NLGN1: variants seen among roughly 807,000 people sequenced by gnomAD.
NLGN1 encodes the protein neuroligin 1.
Under a neutral mutation model 65.5 loss-of-function variants are expected in NLGN1, and 12 were observed. The ratio of observed to expected loss-of-function variants is 0.18; its 90% CI spans 0.12 to 0.30. The LOEUF (loss-of-function observed/expected upper bound fraction) is 0.30, where lower values mean the gene tolerates loss of function less well. NLGN1 is among the 10% of genes least tolerant of loss of function. The pLI, the probability that NLGN1 is intolerant of heterozygous loss-of-function variation, is 1.00. For synonymous variants in NLGN1, 350 were observed against 359.5 expected, an observed-to-expected ratio of 0.97 and a Z score of 0.30; for missense variants, 750 against 1,007.1, an observed-to-expected ratio of 0.74 and a Z score of 3.46.
chr3:173,495,599 A>G (rs1247916343), intron 2 of NLGN1, among the ~76,000 whole-genome samples: 1 of 149,960 alleles, frequency 6.7e-6, no homozygotes, highest in South Asian at 2.1e-4. Flanking sequence ...ATTAAGTTAG[A>G]TATTAGCTGT....
chr3:174,182,642 C>T (rs184548438), intron 4 of NLGN1, among the ~76,000 whole-genome samples: 94 of 152,254 alleles, frequency 6.2e-4, no homozygotes, highest in African/African-American at 2.1e-3. Flanking sequence ...TATTAAAATC[C>T]ATTAAATACC....
intron 2 of NLGN1, among the ~76,000 whole-genome samples, chr3:173,522,257 C>T (rs182583771): frequency 6.6e-6 from 1 of 152,298 alleles, no homozygotes; most frequent in East Asian, 1.9e-4. Context: ...CCTCTGGCCC[C>T]GTTCATGTCA....
intron 2 of NLGN1, among the ~76,000 whole-genome samples, chr3:173,540,341 C>A (rs975011569): frequency 1.3e-5 from 2 of 152,148 alleles, no homozygotes; most frequent in Non-Finnish European, 2.9e-5. Flanking sequence ...CTGGGCCCCA[C>A]TCAAAACTAG....
chr3:173,881,389 G>A (rs184072993), intron 4 of NLGN1, among the ~76,000 whole-genome samples: 241 of 141,074 alleles, frequency 1.7e-3, no homozygotes, highest in African/African-American at 6.0e-3. Context: ...GAGCCACTGC[G>A]CCCAGCCAGG....
In NLGN1 at chr3:174,227,048, G is replaced by C. The variant is rs548749689; in HGVS notation, c.647-48267G>C. Among the ~76,000 whole-genome samples the C allele has an allele frequency of 3.9e-5, 6 of 152,226 alleles. No homozygotes were observed. The East Asian group carries it at 9.6e-4, about 24-fold the overall frequency. ...ATAATTTTAGGCCTGGTCTAGTAAG[G>C]TTTATGTAATAGGTGAGTTTTTAAG... is the stretch of plus-strand genomic sequence containing the variant. On this transcript the variant is annotated intron_variant, in intron 4 of 6. Coordinates refer to ENST00000457714, the Ensembl canonical transcript of NLGN1.
chr3:174,059,865 G>T (rs2152516427), intron 4 of NLGN1, among the ~76,000 whole-genome samples: 1 of 152,166 alleles, frequency 6.6e-6, no homozygotes, highest in East Asian at 1.9e-4. Context: ...GGCTGCATTT[G>T]GCAGCATAAC....
In NLGN1 at chr3:173,637,109, G is replaced by A. The variant is rs564446729; in HGVS notation, c.493+32018G>A. Among the ~76,000 whole-genome samples the A allele has an allele frequency of 6.6e-5, 10 of 152,192 alleles. 1 individual carries two copies. The highest frequency in any genetic ancestry group is 5.9e-4 in the Admixed American group (9 of 15,282). On this transcript the variant is annotated intron_variant, in intron 3 of 6. Transcript: ENST00000457714. The stretch of plus-strand genomic sequence containing the variant: ...TACTTTGCCTGAACAGCAAACACTC[G>A]GTGATGTGGAACATTCTTTATTCCC...
At chr3:173,939,598 A>T (rs1443993425) in intron 4 of NLGN1, among the ~76,000 whole-genome samples, 2 of 152,236 alleles carry the variant, frequency 1.3e-5, no homozygotes, top group East Asian at 3.8e-4. Flanking sequence ...CAAAACAGAC[A>T]TAAGGGTTTC....
chr3:173,639,930 C>T (rs1407054283), intron 3 of NLGN1, among the ~76,000 whole-genome samples: 2 of 152,014 alleles, frequency 1.3e-5, no homozygotes, highest in Non-Finnish European at 2.9e-5. Flanking sequence ...CTCCTTCCCT[C>T]TCTTTCTGTC....
intron 2 of NLGN1, among the ~76,000 whole-genome samples, chr3:173,537,966 G>A (rs775440500): frequency 6.6e-6 from 1 of 152,156 alleles, no homozygotes; most frequent in East Asian, 1.9e-4. Flanking sequence ...CAAAGTGGCT[G>A]TGTGGCAGTA....
intron 2 of NLGN1, among the ~76,000 whole-genome samples, chr3:173,534,056 G>T (rs1484415972): frequency 6.6e-6 from 1 of 152,122 alleles, no homozygotes; most frequent in African/African-American, 2.4e-5. Context: ...TTTGCTAAGT[G>T]ACTTTAATTA....
In NLGN1 at chr3:173,747,805, T is replaced by TC. The variant is rs1197023981; in HGVS notation, c.494-59875_494-59874insC. ...TTCTTTCTTCTTCTTCTTGTTCTTT[T>TC]TTTTTTTTTTTTTTTTTTTTTTTTT... On this transcript the variant is annotated intron_variant, in intron 3 of 6. Coordinates refer to ENST00000457714, the Ensembl canonical transcript of NLGN1. 6.0e-4 allele frequency among the ~76,000 whole-genome samples: 68 copies of TC among 113,534 alleles called. 1 individual carries two copies. The highest frequency in any genetic ancestry group is 3.6e-3 in the East Asian group (14 of 3,890). The allele number at this position is 113,534 out of a possible 152,430, so 74.5% of individuals were successfully genotyped here.
chr3:173,835,261 T>C (rs1206920577), intron 4 of NLGN1, among the ~76,000 whole-genome samples: 1 of 152,124 alleles, frequency 6.6e-6, no homozygotes, highest in Non-Finnish European at 1.5e-5. Context: ...TCGTGGTTGC[T>C]TCACTCTTGT....
intron 4 of NLGN1, among the ~76,000 whole-genome samples, chr3:173,827,937 C>T (rs558119877): frequency 3.3e-5 from 5 of 152,010 alleles, no homozygotes; most frequent in Non-Finnish European, 7.4e-5. Flanking sequence ...GCAGATCTTC[C>T]TTACTCAGTA....
chr3:173,598,699 CA>C (rs1289812832), intron 2 of NLGN1, among the ~76,000 whole-genome samples: 1 of 152,040 alleles, frequency 6.6e-6, no homozygotes, highest in Non-Finnish European at 1.5e-5. Context: ...GTGCGTTCCT[CA>C]AAAAAGCCTT....
chr3:173,563,408 A>G (rs1386319302), intron 2 of NLGN1, among the ~76,000 whole-genome samples: 1 of 152,250 alleles, frequency 6.6e-6, no homozygotes, highest in Admixed American at 6.5e-5. Flanking sequence ...TCTAAAGGAA[A>G]TAACGTATAG....
chr3:173,805,974 T>G (rs1716557087), intron 3 of NLGN1, among the ~76,000 whole-genome samples: 1 of 152,160 alleles, frequency 6.6e-6, no homozygotes, highest in African/African-American at 2.4e-5. Context: ...AGAAAATAAA[T>G]TCAGATTTTC....
rs550758198 is a variant in NLGN1 at position 173,406,366 on chromosome 3, T to C, written c.-390+7879T>C. 5.3e-4 allele frequency among the ~76,000 whole-genome samples: 80 copies of C among 151,588 alleles called. No individual in the cohort carries two copies. In the South Asian group the frequency reaches 0.016, roughly 30 times the overall value. Reference sequence around the variant, plus strand: ...ATTATCAGTAAGAAGCAAGAGAAAATTGACAGGTAAAAATGAAGTTTCCCT... The same window carrying C: ...ATTATCAGTAAGAAGCAAGAGAAAACTGACAGGTAAAAATGAAGTTTCCCT... On this transcript the variant is annotated intron_variant, in intron 1 of 6. Coordinates refer to ENST00000457714, the Ensembl canonical transcript of NLGN1.
chr3:173,816,531 C>T (rs944850688), intron 4 of NLGN1, among the ~76,000 whole-genome samples: 2 of 152,164 alleles, frequency 1.3e-5, no homozygotes, highest in African/African-American at 2.4e-5. Flanking sequence ...TTTAAATCAG[C>T]GAAATTATCT....
Sources: allele counts gnomAD v4.1 joint callset (sites outside exome capture counted in the v4.1 genomes callset), GRCh38; gene constraint gnomAD v4.1.1; transcripts MANE v1.5; gene names NCBI Gene and HGNC (gene_info 2026-07-23, HGNC 2026-07-21).